The following ARMCX4 variants were observed in gnomAD, a reference collection of about 807,000 sequenced individuals.
The protein encoded by ARMCX4 is armadillo repeat-containing X-linked protein 4.
A neutral mutation model predicts 34.7 loss-of-function variants in ARMCX4; 3 were observed. The observed-to-expected ratio is 0.09, with a 90% CI of 0.04 to 0.22. ARMCX4 has a LOEUF of 0.22. ARMCX4 is among the 10% of genes least tolerant of loss of function. The pLI is 1.00. For synonymous variants in ARMCX4, 513 were observed against 632.8 expected (o/e 0.81, Z 2.84); for missense variants, 1,448 against 1,720.8 (o/e 0.84, Z 2.81).
chrX:101,530,242 C>A (rs1556021792), intron 11 of ARMCX4, among the ~76,000 whole-genome samples: 1 of 111,453 alleles, frequency 9.0e-6, no homozygotes, highest in Admixed American at 9.6e-5. Flanking sequence ...GGACAGAAAA[C>A]CAAACACCAC....
chrX:101,443,381 C>T (rs1931430737), intron 2 of ARMCX4, among the ~76,000 whole-genome samples: 1 of 111,567 alleles, frequency 9.0e-6, no homozygotes, highest in African/African-American at 3.3e-5. Context: ...CAGAGGGCGG[C>T]CCTCATCAGA....
At chrX:101,437,036 A>T (rs1416723342) in intron 2 of ARMCX4, among the ~76,000 whole-genome samples, 1 of 111,837 alleles carries the variant, frequency 8.9e-6, no homozygotes, top group Admixed American at 9.6e-5. Context: ...GTGCTGCTGG[A>T]TTCAGTTTCC....
At chrX:101,505,668 C>T (rs1429172377) in intron 8 of ARMCX4, among the ~76,000 whole-genome samples, 4 of 111,481 alleles carry the variant, frequency 3.6e-5, no homozygotes, top group Non-Finnish European at 7.5e-5. Flanking sequence ...GTACAGCCTT[C>T]CAGCAGTATT....
At chrX:101,433,617 G>C (rs1930466724) in intron 2 of ARMCX4, among the ~76,000 whole-genome samples, 1 of 111,857 alleles carries the variant, frequency 8.9e-6, no homozygotes. Flanking sequence ...GATTAAATGA[G>C]AAAATGTCTA....
upstream of ARMCX4, among the ~76,000 whole-genome samples, chrX:101,482,764 T>C (rs1556005660): frequency 9.0e-6 from 1 of 110,717 alleles, no homozygotes; most frequent in Non-Finnish European, 1.9e-5. Flanking sequence ...AAACAGCAAA[T>C]ATTAAAACAC....
chrX:101,483,408 A>G (rs1933553650), upstream of ARMCX4, among the ~76,000 whole-genome samples: 1 of 111,837 alleles, frequency 8.9e-6, no homozygotes, highest in African/African-American at 3.3e-5. Flanking sequence ...CCAACAGAGT[A>G]GAGGAGTGCC....
intron 2 of ARMCX4, among the ~76,000 whole-genome samples, chrX:101,433,204 G>A (rs782511239): frequency 3.5e-5 from 1 of 28,884 alleles, no homozygotes; most frequent in South Asian, 1.1e-3. Flanking sequence ...ACATATATGT[G>A]CATATACGCA....
chrX:101,516,804 G>A (rs2147710481), intron 11 of ARMCX4: 1 of 111,182 alleles, frequency 9.0e-6, no homozygotes, highest in South Asian at 3.8e-4. Context: ...AGTACTGCAC[G>A]CAGCCCTCTC....
chrX:101,479,868 G>T (rs1455442182), intron 4 of ARMCX4, among the ~76,000 whole-genome samples: 1 of 110,084 alleles, frequency 9.1e-6, no homozygotes, highest in African/African-American at 3.3e-5. Context: ...AATGCCCAAG[G>T]ATATCCAAAA....
In ARMCX4 at chrX:101,492,959, C is replaced by G. The variant is rs1556010117; in HGVS notation, c.4370C>G (p.Ala1457Gly). ...GGSWTGAGHP[A>G]SVGPKPIFED... ...TCCTGGACTGGGGCTGGGCATCCAG[C>G]TAGTGTTGGGCCAAAGCCTATATTT... is the stretch of plus-strand genomic sequence containing the variant. The change falls in exon 6 of 6, where the codon GCT (alanine) becomes GGT (glycine). Residue 1457 changes from alanine (A) to glycine (G), a missense_variant. By Grantham distance (60) the Ala-to-Gly change is moderately conservative. This residue lies in a region of ARMCX4 where 1,343 missense variants were observed against 1,540.7 expected (regional missense o/e 0.87). Coordinates refer to ENST00000423738, the MANE Select transcript of ARMCX4 (RefSeq NM_001256155.3). 1.2e-5 allele frequency: 14 copies of G among 1,151,959 alleles called. No individual in the cohort carries two copies. In the East Asian group the frequency reaches 4.2e-4, roughly 35 times the overall value. The allele number at this position is 1,151,959 out of a possible 1,213,427, so 94.9% of individuals were successfully genotyped here. A position where few individuals can be genotyped will look rare whatever the true frequency, so the allele number is the denominator to read the frequency against.
At position 101,486,061 on chromosome X, in the gene ARMCX4, A is replaced by T. The variant is rs1933691296; in HGVS notation, c.-398A>T. Reference sequence around the variant, plus strand: ...CACTGTTTGCGGCGAGGAGAAAGGAAGGAGAGGAGAAAACTGCACTGGATC... The same window carrying T: ...CACTGTTTGCGGCGAGGAGAAAGGATGGAGAGGAGAAAACTGCACTGGATC... On this transcript the variant is annotated 5_prime_UTR_variant, in exon 2 of 6. In the 5' UTR this introduces an upstream ATG that the reference lacks. Coordinates refer to ENST00000423738, the MANE Select transcript of ARMCX4 (RefSeq NM_001256155.3). The T allele has an allele frequency of 9.0e-6, 1 of 111,668 alleles. No homozygotes were observed. The highest frequency in any genetic ancestry group is 9.5e-5 in the Admixed American group (1 of 10,511). The allele number at this position is 111,668 out of a possible 1,213,427, so 9.2% of individuals were successfully genotyped here.
At chrX:101,450,326 A>C (rs781811125), downstream of ARMCX4, among the ~76,000 whole-genome samples, 33 of 112,360 alleles carry the variant, frequency 2.9e-4, no homozygotes, top group South Asian at 0.012. Context: ...CAGGCAGATA[A>C]GCCTCACTCC....
At chrX:101,497,339 C>T (rs1420962182), downstream of ARMCX4, among the ~76,000 whole-genome samples, 1 of 109,881 alleles carries the variant, frequency 9.1e-6, no homozygotes, top group Admixed American at 9.7e-5. Context: ...TGGGTTCAAG[C>T]GATTCTCCTG....
In ARMCX4 at chrX:101,432,907, C is replaced by T. The variant is rs1350478902; in HGVS notation, n.165-11145C>T. Among the ~76,000 whole-genome samples the T allele has an allele frequency of 3.2e-4, 21 of 66,008 alleles. 1 individual carries two copies. Among genetic ancestry groups the T allele is most frequent in the East Asian group, 3.1e-3 (6 of 1,924 alleles). 57.3% of individuals were successfully genotyped at this position (66,008 alleles called of 115,157 possible). On this transcript the variant is annotated intron_variant and non_coding_transcript_variant, in intron 2 of 3. Coordinates refer to the ARMCX4 transcript ENST00000430461. ...ACGTGTGTATATATACGTGTATATA[C>T]ACACACGTATACATACGTATATATA...
rs995285438 is a variant in ARMCX4, at chrX:101,438,520, G to A, written n.165-5532G>A. ...GCAGAGCTTGCAGTGAGCCAAGATC[G>A]CGCCACTGCACTCCAGTCTGGGTGA... On this transcript the variant is annotated intron_variant and non_coding_transcript_variant, in intron 2 of 3. Coordinates refer to the ARMCX4 transcript ENST00000430461. Among the ~76,000 whole-genome samples the A allele has an allele frequency of 9.9e-5, 11 of 110,978 alleles. No individual in the cohort carries two copies. In the South Asian group the frequency reaches 1.2e-3, roughly 12 times the overall value.
intron 2 of ARMCX4, among the ~76,000 whole-genome samples, chrX:101,438,053 A>C (rs1330303055): frequency 9.0e-6 from 1 of 111,545 alleles, no homozygotes; most frequent in East Asian, 2.8e-4. Context: ...CTGTTCTTTT[A>C]CATTTCCTGA....
At position 101,432,490 on chromosome X, in the gene ARMCX4, G is replaced by A. The variant is rs367721295; in HGVS notation, n.165-11562G>A. Among the ~76,000 whole-genome samples the A allele has an allele frequency of 5.0e-4, 55 of 109,954 alleles. 1 individual carries two copies. In the South Asian group the frequency reaches 0.017, roughly 33 times the overall value. On this transcript the variant is annotated intron_variant and non_coding_transcript_variant, in intron 2 of 3. Transcript: ENST00000430461. ...AGTCTGACCAATATGGTGAAACCCC[G>A]TCTCTACTGGAAATACAGAAATTAG...
chrX:101,528,940 A>G (rs1490242068), intron 11 of ARMCX4, among the ~76,000 whole-genome samples: 3 of 111,821 alleles, frequency 2.7e-5, no homozygotes, highest in Non-Finnish European at 5.6e-5. Context: ...TGCCATCCCC[A>G]TCAAGCTACC....
At chrX:101,430,472 G>A (rs1485968585) in intron 2 of ARMCX4, among the ~76,000 whole-genome samples, 2 of 112,401 alleles carry the variant, frequency 1.8e-5, no homozygotes, top group African/African-American at 3.2e-5. Context: ...TTTCTAGACC[G>A]CCACTCAGCT....
Sources: gnomAD v4.1 joint callset for allele counts (sites outside exome capture counted in the v4.1 genomes callset) on GRCh38, gnomAD v4.1.1 for gene constraint, gnomAD v4.1.1 regional missense constraint, MANE v1.5 for transcripts, NCBI Gene and HGNC (gene_info 2026-07-23, HGNC 2026-07-21) for gene names.